Variants in ADARB2 observed in about 807,000 individuals in gnomAD.
The protein encoded by ADARB2 is adenosine deaminase RNA specific B2 (inactive), also known as inactive double-stranded RNA-specific editase B2.
A neutral mutation model predicts 62.2 loss-of-function variants in ADARB2; 25 were observed. The ratio of observed to expected loss-of-function variants is 0.40; its 90% CI spans 0.29 to 0.56. The LOEUF (loss-of-function observed/expected upper bound fraction) is 0.56, where lower values mean the gene tolerates loss of function less well. ADARB2 is among the 20% of genes least tolerant of loss of function. ADARB2 has a pLI of 0.43. For synonymous variants in ADARB2, 572 were observed against 500.8 expected (o/e 1.14, Z -1.90); for missense variants, 1,071 against 1,077.4 (o/e 0.99, Z 0.08).
intron 1 of ADARB2, among the ~76,000 whole-genome samples, chr10:1,382,285 A>G (rs1053046221): frequency 3.9e-5 from 6 of 152,228 alleles, no homozygotes; most frequent in Non-Finnish European, 7.3e-5. Context: ...GGACAGCTTG[A>G]GCAACCAAAC....
At chr10:1,210,856 G>A (rs1043354905) in intron 7 of ADARB2, among the ~76,000 whole-genome samples, 2 of 152,300 alleles carry the variant, frequency 1.3e-5, no homozygotes, top group Non-Finnish European at 2.9e-5. Flanking sequence ...GGGCCTCCCC[G>A]TGGTGTAGAC....
chr10:1,548,358 T>A (rs1832558293), intron 1 of ADARB2, among the ~76,000 whole-genome samples: 1 of 152,230 alleles, frequency 6.6e-6, no homozygotes, highest in Non-Finnish European at 1.5e-5. Context: ...TGTTAAACAA[T>A]GGCTGCTGGT....
chr10:1,702,745 C>T (rs1409193088), intron 1 of ADARB2, among the ~76,000 whole-genome samples: 1 of 152,246 alleles, frequency 6.6e-6, no homozygotes, highest in Non-Finnish European at 1.5e-5. Context: ...ACTGGCAGTG[C>T]TCTCGCTGAT....
intron 1 of ADARB2, among the ~76,000 whole-genome samples, chr10:1,570,900 A>G (rs550174656): frequency 1.3e-5 from 2 of 152,244 alleles, no homozygotes; most frequent in South Asian, 2.1e-4. Flanking sequence ...TGACAGGTGC[A>G]GGAGAGGCTG....
chr10:1,496,007 A>G (rs572870574), intron 1 of ADARB2, among the ~76,000 whole-genome samples: 133 of 152,000 alleles, frequency 8.8e-4, no homozygotes, highest in African/African-American at 3.0e-3. Flanking sequence ...CATCATAGTC[A>G]TCATCATCAC....
At chr10:1,503,106 A>G (rs1213370416) in intron 1 of ADARB2, among the ~76,000 whole-genome samples, 1 of 152,234 alleles carries the variant, frequency 6.6e-6, no homozygotes, top group Non-Finnish European at 1.5e-5. Flanking sequence ...TATCTCCACT[A>G]TTTAGAGCTT....
intron 4 of ADARB2, among the ~76,000 whole-genome samples, chr10:1,245,084 G>A (rs939904745): frequency 6.6e-6 from 1 of 152,144 alleles, no homozygotes; most frequent in African/African-American, 2.4e-5. Flanking sequence ...GGTTGCACAG[G>A]AGGAGAGAAG....
chr10:1,465,777 C>A (rs1831247065), intron 1 of ADARB2, among the ~76,000 whole-genome samples: 1 of 152,216 alleles, frequency 6.6e-6, no homozygotes, highest in Admixed American at 6.5e-5. Flanking sequence ...ACCAGCAACA[C>A]CTCTCCCACC....
intron 1 of ADARB2, among the ~76,000 whole-genome samples, chr10:1,632,606 G>C (rs991169590): frequency 2.6e-5 from 4 of 152,208 alleles, no homozygotes; most frequent in African/African-American, 9.7e-5. Flanking sequence ...TCCAAGTCTG[G>C]TGAGACTAGA....
At chr10:1,481,897 A>G (rs1173920369) in intron 1 of ADARB2, among the ~76,000 whole-genome samples, 2 of 152,118 alleles carry the variant, frequency 1.3e-5, no homozygotes, top group Non-Finnish European at 2.9e-5. Context: ...ATACAAGTCA[A>G]CAACACTTAA....
intron 7 of ADARB2, among the ~76,000 whole-genome samples, chr10:1,211,473 G>A (rs1009090186): frequency 2.0e-5 from 3 of 152,202 alleles, no homozygotes; most frequent in African/African-American, 7.2e-5. Context: ...CGTGGAATGA[G>A]ACAAGGTCCC....
intron 6 of ADARB2, among the ~76,000 whole-genome samples, chr10:1,221,589 C>T (rs1362678925): frequency 1.3e-5 from 2 of 151,334 alleles, no homozygotes; most frequent in East Asian, 3.9e-4. Flanking sequence ...CACCACAGTC[C>T]CCAGTGTGTG....
At chr10:1,360,344 C>T (rs760790836) in intron 3 of ADARB2, among the ~76,000 whole-genome samples, 4 of 152,168 alleles carry the variant, frequency 2.6e-5, no homozygotes, top group South Asian at 4.1e-4. Context: ...CTAACAGGGC[C>T]GTCAGACAAG....
intron 1 of ADARB2, among the ~76,000 whole-genome samples, chr10:1,555,355 T>C (rs1014389355): frequency 6.6e-6 from 1 of 152,216 alleles, no homozygotes; most frequent in Non-Finnish European, 1.5e-5. Flanking sequence ...TGTTCCCTTT[T>C]CTCTGCAACC....
intron 1 of ADARB2, among the ~76,000 whole-genome samples, chr10:1,664,545 T>C (rs1001432353): frequency 3.3e-5 from 5 of 152,334 alleles, no homozygotes; most frequent in African/African-American, 1.2e-4. Context: ...ATTTCACGAA[T>C]GGCCTTTAGC....
At chr10:1,623,401 G>C (rs1439227609) in intron 1 of ADARB2, among the ~76,000 whole-genome samples, 1 of 152,212 alleles carries the variant, frequency 6.6e-6, no homozygotes, top group Non-Finnish European at 1.5e-5. Flanking sequence ...AACTACAGTA[G>C]TTTCTACTGT....
chr10:1,582,782 G>A (rs1833123864), intron 1 of ADARB2, among the ~76,000 whole-genome samples: 2 of 152,158 alleles, frequency 1.3e-5, no homozygotes. Flanking sequence ...GGGAAGCATG[G>A]TTTTCAGGAA....
intron 1 of ADARB2, among the ~76,000 whole-genome samples, chr10:1,710,911 C>T (rs1009193606): frequency 3.3e-5 from 5 of 152,158 alleles, no homozygotes; most frequent in South Asian, 2.1e-4. Context: ...CAGGCCTGTC[C>T]GGTGGTCCTG....
intron 1 of ADARB2, among the ~76,000 whole-genome samples, chr10:1,686,425 G>C (rs1421081637): frequency 6.6e-6 from 1 of 152,238 alleles, no homozygotes; most frequent in Non-Finnish European, 1.5e-5. Context: ...GCTGCCGCAA[G>C]CTCTTGCAAT....
Sources: gnomAD v4.1 joint callset for allele counts (sites outside exome capture counted in the v4.1 genomes callset) on GRCh38, gnomAD v4.1.1 for gene constraint, MANE v1.5 for transcripts, NCBI Gene and HGNC (gene_info 2026-07-23, HGNC 2026-07-21) for gene names.